PCDHGC3: variants seen among roughly 807,000 people sequenced by gnomAD.
The protein encoded by PCDHGC3 is protocadherin gamma-C3.
Under a neutral mutation model 59.2 loss-of-function variants are expected in PCDHGC3, and 26 were observed. The observed-to-expected ratio is 0.44, with a 90% CI of 0.32 to 0.61. The LOEUF (loss-of-function observed/expected upper bound fraction) is 0.61. Among genes scored for constraint, PCDHGC3 ranks in the 20% least tolerant of loss-of-function variants. The pLI is 0.05. For synonymous variants in PCDHGC3, 487 were observed against 519.7 expected, an observed-to-expected ratio of 0.94 and a Z score of 0.86; for missense variants, 1,080 against 1,221.8, an observed-to-expected ratio of 0.88 and a Z score of 1.73.
At chr5:141,510,795 G>A in intron 3 of PCDHGC3, 152 bp from the exon 4 acceptor site, 6 of 1,465,214 alleles carry the variant, frequency 4.1e-6, no homozygotes, top group Non-Finnish European at 5.5e-6. Context: ...CTTGTGAAGA[G>A]AGACTACCTT....
Position 141,477,012 on chromosome 5 carries a change from T to C in PCDHGC3, c.896T>C (p.Leu299Pro). The C allele has an allele frequency of 6.2e-7, 1 of 1,614,186 alleles. No homozygotes were observed. Among genetic ancestry groups the C allele is most frequent in the Non-Finnish European group, 8.5e-7 (1 of 1,180,026 alleles). Residue 299 changes from leucine to proline, a missense_variant, in exon 1 of 4, where the codon CTT becomes CCT. By Grantham distance (98) the Leu-to-Pro change is moderately conservative. Coordinates refer to ENST00000308177, the MANE Select transcript of PCDHGC3 (RefSeq NM_002588.4). The surrounding 1 kb of genome is among the most constrained non-coding windows in gnomAD (Gnocchi z 4.9). ...AGVRQLFALDLVTGMLTIKGR... is the reference protein window; with the variant it reads ...AGVRQLFALDPVTGMLTIKGR... The stretch of plus-strand genomic sequence containing the variant: ...GTGCGGCAACTATTCGCCTTAGACC[T>C]TGTAACCGGGATGCTGACAATCAAG...
chr5:141,477,777 A>G lies in PCDHGC3; in HGVS notation c.1661A>G (p.Asn554Ser), dbSNP rs775845004. ...TPVLATNISV[N>S]IFVTDRNDNA... ...GTCCTAGCCACCAACATCAGCGTGA[A>G]CATATTTGTCACTGATCGCAATGAC... is the stretch of plus-strand genomic sequence containing the variant. The change falls in exon 1 of 4, where the codon AAC becomes AGC. Residue 554 changes from asparagine to serine, a missense_variant. Physicochemically the swap from Asn to Ser is conservative, Grantham distance 46. Transcript: ENST00000308177. The surrounding 1 kb of genome is among the most constrained non-coding windows in gnomAD (Gnocchi z 4.9). The G allele has an allele frequency of 1.9e-4, 299 of 1,613,944 alleles. No homozygotes were observed. Among genetic ancestry groups the G allele is most frequent in the Non-Finnish European group, 2.5e-4 (295 of 1,180,048 alleles).
At position 141,512,750 on chromosome 5, in the gene PCDHGC3, G is replaced by C. The variant is rs538475261; in HGVS notation, c.*1577G>C. The C allele has an allele frequency of 2.6e-5, 4 of 152,894 alleles. No homozygotes were observed. The highest frequency in any genetic ancestry group is 4.4e-5 in the Non-Finnish European group (3 of 68,656). 9.5% of individuals were successfully genotyped at this position (152,894 alleles called of 1,614,324 possible). ...AGCGGGCGGCGGGCTCCGCGCAGCC[G>C]TCTGTCCTTGATCTGCCCGCGGCGG... On this transcript the variant is annotated 3_prime_UTR_variant, in exon 4 of 4. Coordinates refer to ENST00000308177, the MANE Select transcript of PCDHGC3 (RefSeq NM_002588.4).
intron 3 of PCDHGC3, among the ~76,000 whole-genome samples, chr5:141,506,282 C>G (rs1422321122): frequency 6.6e-6 from 1 of 152,040 alleles, no homozygotes; most frequent in East Asian, 1.9e-4. Flanking sequence ...AACCCTGTCT[C>G]TACTAAAAAT....
Position 141,486,173 on chromosome 5 carries a change from T to C in PCDHGC3, c.2430+7627T>C. 1 of 1,614,220 alleles carries C rather than the reference T, an allele frequency of 6.2e-7. No homozygotes were observed. Among genetic ancestry groups the C allele is most frequent in the Non-Finnish European group, 8.5e-7 (1 of 1,180,042 alleles). ...GGGTTCTCCAGCCATGGAGCAACATTGCAGCCTTCGAGTGGATCTGCTGGA... is the reference window on the plus strand; with the variant it reads ...GGGTTCTCCAGCCATGGAGCAACATCGCAGCCTTCGAGTGGATCTGCTGGA... On this transcript the variant is annotated intron_variant, in intron 1 of 3. Transcript: ENST00000308177. The surrounding 1 kb of genome is among the most constrained non-coding windows in gnomAD (Gnocchi z 5.0).
chr5:141,487,695 C>T lies in PCDHGC3; in HGVS notation c.2431-7112C>T, dbSNP rs1345224043. The stretch of plus-strand genomic sequence containing the variant: ...TGGCTAGGCCATGTCCTAGAGAGTA[C>T]TGGCCTCTCAGTAAGTGCCCATAGT... On this transcript the variant is annotated intron_variant, in intron 1 of 3. Coordinates refer to ENST00000308177, the MANE Select transcript of PCDHGC3 (RefSeq NM_002588.4). The surrounding 1 kb of genome is among the most constrained non-coding windows in gnomAD (Gnocchi z 5.0). 2 of 1,601,306 alleles carry T rather than the reference C, an allele frequency of 1.2e-6. No individual in the cohort carries two copies. Among genetic ancestry groups the T allele is most frequent in the East Asian group, 2.2e-5 (1 of 44,606 alleles).
intron 2 of PCDHGC3, among the ~76,000 whole-genome samples, chr5:141,504,741 T>C (rs968590796): frequency 2.6e-5 from 4 of 151,826 alleles, no homozygotes; most frequent in South Asian, 2.1e-4. Context: ...TAGGAAGCCA[T>C]TGAATTTTAG....
At chr5:141,481,357 G>A (rs1399668487) in intron 1 of PCDHGC3, among the ~76,000 whole-genome samples, 1 of 152,176 alleles carries the variant, frequency 6.6e-6, no homozygotes, top group Non-Finnish European at 1.5e-5. Context: ...ATCTACAGCT[G>A]TTCAATAGAT....
At position 141,491,514 on chromosome 5, in the gene PCDHGC3, G is replaced by A. The variant is rs753335815; in HGVS notation, c.2431-3293G>A. ...AGGTGAGCTCGGACGGCACGCTCAAGTACATGGAGGTGACGCTGCGGCCCA... is the reference window on the plus strand; with the variant it reads ...AGGTGAGCTCGGACGGCACGCTCAAATACATGGAGGTGACGCTGCGGCCCA... On this transcript the variant is annotated intron_variant, in intron 1 of 3. Coordinates refer to ENST00000308177, the MANE Select transcript of PCDHGC3 (RefSeq NM_002588.4). The surrounding 1 kb of genome is among the most constrained non-coding windows in gnomAD (Gnocchi z 6.9). 2 of 1,613,964 alleles carry A rather than the reference G, an allele frequency of 1.2e-6. No individual in the cohort carries two copies. Among genetic ancestry groups the A allele is most frequent in the East Asian group, 2.2e-5 (1 of 44,892 alleles).
chr5:141,495,415 C>T (rs1385371906), intron 2 of PCDHGC3, among the ~76,000 whole-genome samples: 1 of 152,194 alleles, frequency 6.6e-6, no homozygotes, highest in Admixed American at 6.5e-5. Context: ...TTCTCCGGCC[C>T]CTCCTCCCAC....
chr5:141,487,533 T>C lies in PCDHGC3; in HGVS notation c.2431-7274T>C. On this transcript the variant is annotated intron_variant, in intron 1 of 3. Coordinates refer to ENST00000308177, the MANE Select transcript of PCDHGC3 (RefSeq NM_002588.4). This position sits in a 1 kb window ranked among gnomAD's most constrained non-coding sequence, Gnocchi z 5.0. The stretch of plus-strand genomic sequence containing the variant: ...CCCACTCGGAGTGATAGCTTCATGA[T>C]GGTGAAGTCACCCAGTGCACCTATG... 6.2e-7 allele frequency: 1 copy of C among 1,614,186 alleles called. No individual in the cohort carries two copies. Among genetic ancestry groups the C allele is most frequent in the South Asian group, 1.1e-5 (1 of 91,080 alleles).
chr5:141,494,903 G>A (rs760748707), intron 2 of PCDHGC3, 38 bp downstream of exon 2: 39 of 1,613,894 alleles, frequency 2.4e-5, no homozygotes, highest in Non-Finnish European at 3.1e-5. Context: ...TCTTCTCTGC[G>A]GCATTTTCTC....
chr5:141,494,977 T>C, intron 2 of PCDHGC3, 112 bp downstream of exon 2: 1 of 1,574,332 alleles, frequency 6.4e-7, no homozygotes, highest in East Asian at 2.3e-5. Context: ...TCTCCCTCAG[T>C]TTGAGATCCC....
At chr5:141,479,063 A>G (rs1476826751) in intron 1 of PCDHGC3, among the ~76,000 whole-genome samples, 1 of 152,204 alleles carries the variant, frequency 6.6e-6, no homozygotes, top group African/African-American at 2.4e-5. Context: ...ATAATTTTTT[A>G]TGAATGAAAT....
Position 141,485,057 on chromosome 5 carries a change from C to T in PCDHGC3, c.2430+6511C>T. 1 of 843,720 alleles carries T rather than the reference C, an allele frequency of 1.2e-6. No individual in the cohort carries two copies. The highest frequency in any genetic ancestry group is 1.9e-6 in the Non-Finnish European group (1 of 524,586). 52.3% of individuals were successfully genotyped at this position (843,720 alleles called of 1,614,324 possible). On this transcript the variant is annotated intron_variant, in intron 1 of 3. Transcript: ENST00000308177. This position sits in a 1 kb window ranked among gnomAD's most constrained non-coding sequence, Gnocchi z 5.7. The stretch of plus-strand genomic sequence containing the variant: ...GTAACCCTTGCGGCGCCGGCCGAAC[C>T]GCGCCAGAGCTGGCGCGGGGAAAGG...
chr5:141,479,435 G>C (rs2099495981), intron 1 of PCDHGC3: 1 of 152,218 alleles, frequency 6.6e-6, no homozygotes, highest in Non-Finnish European at 1.5e-5. Context: ...TCAATCCACT[G>C]TCTGCACTAA....
intron 1 of PCDHGC3, 141 bp downstream of exon 1, chr5:141,478,687 A>G: frequency 6.4e-7 from 1 of 1,551,218 alleles, no homozygotes; most frequent in Middle Eastern, 1.7e-4. Context: ...CCCTTCCTAG[A>G]TCAAAGTTAG....
In PCDHGC3 at chr5:141,490,091, A is replaced by T; in HGVS notation, c.2431-4716A>T. 6.2e-7 allele frequency: 1 copy of T among 1,614,240 alleles called. No homozygotes were observed. Among genetic ancestry groups the T allele is most frequent in the East Asian group, 2.2e-5 (1 of 44,888 alleles). ...CAACTAGACTATTCTTTTGGAGACC[A>T]CACATCTGAGGCAGTGCGGAACCTC... On this transcript the variant is annotated intron_variant, in intron 1 of 3. Coordinates refer to ENST00000308177, the MANE Select transcript of PCDHGC3 (RefSeq NM_002588.4). The surrounding 1 kb of genome is among the most constrained non-coding windows in gnomAD (Gnocchi z 5.4).
rs758205179 is a variant in PCDHGC3 at position 141,477,813 on chromosome 5, A to G, written c.1697A>G (p.Gln566Arg). ...ACTGATCGCAATGACAATGCCCCCC[A>G]GGTCCTATATCCTCGGCCAGGTGGG... ...FVTDRNDNAP[Q>R]VLYPRPGGSS... is the part of the protein sequence containing the mutation. The change falls in exon 1 of 4, where the codon CAG (glutamine) becomes CGG (arginine). Residue 566 changes from glutamine (Q) to arginine (R), a missense_variant. Gln to Arg is a conservative substitution (Grantham distance 43). Transcript: ENST00000308177. This position sits in a 1 kb window ranked among gnomAD's most constrained non-coding sequence, Gnocchi z 4.9. The G allele has an allele frequency of 8.1e-6, 13 of 1,614,002 alleles. No homozygotes were observed. The East Asian group carries it at 2.7e-4, about 33-fold the overall frequency.
Sources: allele counts gnomAD v4.1 joint callset (sites outside exome capture counted in the v4.1 genomes callset), GRCh38; gene constraint gnomAD v4.1.1; non-coding constraint Gnocchi (gnomAD v3.1); transcripts MANE v1.5; gene names NCBI Gene and HGNC (gene_info 2026-07-23, HGNC 2026-07-21).